The following NDUFAF2 variants were observed in gnomAD, a reference collection of about 807,000 sequenced individuals.
NDUFAF2 encodes the protein NADH dehydrogenase [ubiquinone] 1 alpha subcomplex assembly factor 2.
NDUFAF2 carries 13 observed loss-of-function variants against 22.8 expected under a neutral mutation model. That is an observed-to-expected ratio of 0.57 (90% CI 0.37 to 0.91). The LOEUF (loss-of-function observed/expected upper bound fraction) is 0.91, where lower values mean the gene tolerates loss of function less well. Ranked by LOEUF, NDUFAF2 falls within the 40% of genes least tolerant of loss-of-function variation. NDUFAF2 has a pLI of 0.01. For missense variants in NDUFAF2, 162 were observed against 195.2 expected (o/e 0.83, Z 1.01); for synonymous variants, 53 against 64.2 (o/e 0.83, Z 0.84).
intron 3 of NDUFAF2, among the ~76,000 whole-genome samples, chr5:61,118,069 A>G (rs1053738827): frequency 6.6e-6 from 1 of 152,122 alleles, no homozygotes; most frequent in African/African-American, 2.4e-5. Context: ...CTTCCTAAAA[A>G]CTATCTACCT....
At chr5:61,069,853 A>G (rs980649591) in intron 1 of NDUFAF2, among the ~76,000 whole-genome samples, 3 of 152,024 alleles carry the variant, frequency 2.0e-5, no homozygotes, top group African/African-American at 7.2e-5. Context: ...TAGGAAATCT[A>G]CCATCCTCCT....
chr5:61,038,137 A>G (rs912110556), intron 1 of NDUFAF2, among the ~76,000 whole-genome samples: 2 of 151,292 alleles, frequency 1.3e-5, no homozygotes, highest in Admixed American at 6.6e-5. Flanking sequence ...AAAGTCAGCA[A>G]TGTTACAAAC....
At chr5:61,099,129 T>C in intron 3 of NDUFAF2, 97 bp downstream of exon 3, 2 of 698,428 alleles carry the variant, frequency 2.9e-6, no homozygotes, top group Non-Finnish European at 4.6e-6. Flanking sequence ...AAAGTGTTGA[T>C]TTTATTCCAT....
intron 1 of NDUFAF2, among the ~76,000 whole-genome samples, chr5:61,061,337 C>A (rs930962317): frequency 1.3e-5 from 2 of 151,986 alleles, no homozygotes; most frequent in African/African-American, 4.8e-5. Flanking sequence ...AGCAAGAGCC[C>A]TTTTATCGCT....
chr5:60,954,196 A>AT (rs1750584654), intron 1 of NDUFAF2, among the ~76,000 whole-genome samples: 2 of 152,176 alleles, frequency 1.3e-5, no homozygotes, highest in Non-Finnish European at 2.9e-5. Flanking sequence ...CCAAAGACCT[A>AT]TGATGTGGCT....
At chr5:60,994,614 A>T (rs1476474784) in intron 1 of NDUFAF2, among the ~76,000 whole-genome samples, 1 of 152,078 alleles carries the variant, frequency 6.6e-6, no homozygotes. Flanking sequence ...TGCTTTTAGG[A>T]TCCTTTCTTT....
At chr5:61,120,958 T>C (rs1290902168) in intron 3 of NDUFAF2, among the ~76,000 whole-genome samples, 4 of 152,168 alleles carry the variant, frequency 2.6e-5, no homozygotes, top group African/African-American at 9.6e-5. Context: ...AAATTTTAAA[T>C]AAATTACTTG....
intron 1 of NDUFAF2, among the ~76,000 whole-genome samples, chr5:61,028,125 A>G (rs1407904121): frequency 6.6e-6 from 1 of 152,066 alleles, no homozygotes; most frequent in East Asian, 1.9e-4. Context: ...AGAGTGCAGC[A>G]ACTACATAAT....
intron 1 of NDUFAF2, among the ~76,000 whole-genome samples, chr5:61,069,126 C>CTTTTTTT (rs71606660): frequency 1.5e-5 from 2 of 136,894 alleles, no homozygotes. Context: ...AATGTTAGTG[C>CTTTTTTT]TTTTTTTTTT....
At chr5:60,993,129 A>G (rs1751182521) in intron 1 of NDUFAF2, among the ~76,000 whole-genome samples, 1 of 152,250 alleles carries the variant, frequency 6.6e-6, no homozygotes, top group Non-Finnish European at 1.5e-5. Flanking sequence ...GCACACAGTC[A>G]GGCACACCAG....
At chr5:61,074,885 C>A (rs143067253) in intron 2 of NDUFAF2, among the ~76,000 whole-genome samples, 1 of 152,096 alleles carries the variant, frequency 6.6e-6, no homozygotes, top group East Asian at 1.9e-4. Context: ...TGGCAGAAGG[C>A]GAAGGGGAGG....
intron 1 of NDUFAF2, among the ~76,000 whole-genome samples, chr5:61,070,311 A>G (rs926157953): frequency 6.6e-6 from 1 of 152,150 alleles, no homozygotes; most frequent in Non-Finnish European, 1.5e-5. Flanking sequence ...CAGTTTGTGC[A>G]TAATTCCTTA....
intron 2 of NDUFAF2, among the ~76,000 whole-genome samples, chr5:61,096,138 A>G (rs1752636516): frequency 1.0e-5 from 1 of 99,140 alleles, no homozygotes; most frequent in South Asian, 3.8e-4. Flanking sequence ...TGATAGAACA[A>G]ATATTTTTCA....
intron 3 of NDUFAF2, among the ~76,000 whole-genome samples, chr5:61,135,750 A>G (rs185120297): frequency 3.3e-5 from 5 of 152,146 alleles, no homozygotes; most frequent in South Asian, 2.1e-4. Flanking sequence ...ATGTTAGATG[A>G]TACCACCAAG....
intron 1 of NDUFAF2, among the ~76,000 whole-genome samples, chr5:61,014,651 A>G (rs1191787553): frequency 6.6e-6 from 1 of 152,168 alleles, no homozygotes; most frequent in African/African-American, 2.4e-5. Context: ...CCTAGGACTT[A>G]GTGTCATAAT....
At chr5:61,074,621 G>T (rs532060016) in intron 2 of NDUFAF2, among the ~76,000 whole-genome samples, 6 of 148,310 alleles carry the variant, frequency 4.0e-5, no homozygotes, top group South Asian at 2.1e-4. Context: ...TTAGCCAGTC[G>T]TGGTGGCACA....
intron 3 of NDUFAF2, among the ~76,000 whole-genome samples, chr5:61,141,733 G>T (rs75860584): frequency 0.024 from 3,695 of 152,240 alleles, 62 homozygotes; most frequent in Non-Finnish European, 0.038. Flanking sequence ...CAGGGCCACA[G>T]CTCCTGTTGT....
At chr5:61,019,608 G>A (rs1751553029) in intron 1 of NDUFAF2, among the ~76,000 whole-genome samples, 1 of 151,890 alleles carries the variant, frequency 6.6e-6, no homozygotes, top group African/African-American at 2.4e-5. Flanking sequence ...GCAATCTAAT[G>A]TAGCTAAAAA....
intron 1 of NDUFAF2, among the ~76,000 whole-genome samples, chr5:60,965,850 G>A (rs552158603): frequency 6.6e-6 from 1 of 151,906 alleles, no homozygotes; most frequent in South Asian, 2.1e-4. Context: ...TATCTCTTTG[G>A]CATACTGATT....
Sources: allele counts gnomAD v4.1 joint callset (sites outside exome capture counted in the v4.1 genomes callset), GRCh38; gene constraint gnomAD v4.1.1; transcripts MANE v1.5; gene names NCBI Gene and HGNC (gene_info 2026-07-23, HGNC 2026-07-21).